ASIC2: variants seen among roughly 807,000 people sequenced by gnomAD.
ASIC2 encodes acid-sensing ion channel 2.
ASIC2 carries 25 observed loss-of-function variants against 57.3 expected under a neutral mutation model. The observed-to-expected ratio is 0.44, with a 90% CI of 0.32 to 0.61. The LOEUF (loss-of-function observed/expected upper bound fraction) is 0.61. ASIC2 is among the 20% of genes least tolerant of loss of function. The pLI is 0.06. For synonymous variants in ASIC2, 319 were observed against 307.5 expected (o/e 1.04, Z -0.39); for missense variants, 641 against 738.1 (o/e 0.87, Z 1.52).
At chr17:33,865,750 AAAAAAAAAT>A (rs1213235285) in intron 1 of ASIC2, among the ~76,000 whole-genome samples, 7 of 89,482 alleles carry the variant, frequency 7.8e-5, no homozygotes, top group African/African-American at 2.8e-4. Context: ...GAGTATAATA[AAAAAAAAAT>A]AAAAAAAAAA....
At chr17:34,049,813 A>G (rs368360818) in intron 1 of ASIC2, among the ~76,000 whole-genome samples, 8 of 152,130 alleles carry the variant, frequency 5.3e-5, no homozygotes, top group African/African-American at 1.9e-4. Context: ...CAAGCTGATA[A>G]TCTCCAGCAA....
At chr17:33,358,345 A>T (rs1349005211) in intron 1 of ASIC2, among the ~76,000 whole-genome samples, 1 of 152,186 alleles carries the variant, frequency 6.6e-6, no homozygotes, top group South Asian at 2.1e-4. Context: ...TTGCTGACCA[A>T]TGTTCTAGAT....
chr17:33,098,440 T>C (rs2092193325), intron 2 of ASIC2, among the ~76,000 whole-genome samples: 1 of 152,138 alleles, frequency 6.6e-6, no homozygotes, highest in African/African-American at 2.4e-5. Context: ...CAGGCTTGAT[T>C]GCTCACAGGT....
intron 3 of ASIC2, among the ~76,000 whole-genome samples, chr17:33,085,184 T>C (rs1239923088): frequency 1.2e-4 from 19 of 152,312 alleles, no homozygotes; most frequent in Non-Finnish European, 7.4e-5. Flanking sequence ...CCCCATGGCC[T>C]TCCTGCAAAG....
intron 1 of ASIC2, among the ~76,000 whole-genome samples, chr17:33,750,073 C>T (rs558023913): frequency 6.6e-6 from 1 of 152,180 alleles, no homozygotes; most frequent in Non-Finnish European, 1.5e-5. Context: ...CTACTCCTGT[C>T]CATTGCATAT....
At chr17:33,392,192 TTCCCTCCTTCCTTC>T (rs1909921782) in intron 1 of ASIC2, among the ~76,000 whole-genome samples, 7 of 14,142 alleles carry the variant, frequency 4.9e-4, no homozygotes, top group African/African-American at 1.5e-3. Context: ...CCTTCCTTCC[TTCCCTCCTTCCTTC>T]CTTCCTTCCT....
intron 1 of ASIC2, among the ~76,000 whole-genome samples, chr17:33,915,069 C>T (rs1042150045): frequency 2.6e-5 from 4 of 152,222 alleles, no homozygotes; most frequent in Non-Finnish European, 4.4e-5. Context: ...GTGCTCTGCC[C>T]TCACCTCGGC....
At position 34,136,480 on chromosome 17, in the gene ASIC2, CT is replaced by C. The variant is rs1312936627; in HGVS notation, c.555+19497del. Among the ~76,000 whole-genome samples, 5 of 152,348 alleles carry C rather than the reference CT, an allele frequency of 3.3e-5. No homozygotes were observed. The East Asian group carries it at 9.6e-4, about 29-fold the overall frequency. ...ACCTTGGCTTCCACAACCCTACTTA[CT>C]TAATTCAATGATTTCCTTATGCTGA... On this transcript the variant is annotated intron_variant, in intron 1 of 9. Transcript: ENST00000359872.
rs1313304576 is a variant in ASIC2 at position 34,132,206 on chromosome 17, G to C, written c.555+23772C>G. Among the ~76,000 whole-genome samples, 5 of 152,270 alleles carry C rather than the reference G, an allele frequency of 3.3e-5. No homozygotes were observed. The East Asian group carries it at 9.7e-4, about 29-fold the overall frequency. ...TGAATCTCCTAGTGTGTCCGGAGTT[G>C]GTTCCTCCCGGTAAGTTCGTGGTGT... On this transcript the variant is annotated intron_variant, in intron 1 of 9. Transcript: ENST00000359872.
chr17:33,908,097 C>T (rs919256362), intron 1 of ASIC2, among the ~76,000 whole-genome samples: 30 of 152,162 alleles, frequency 2.0e-4, no homozygotes, highest in Non-Finnish European at 4.1e-4. Flanking sequence ...TACAGTGTCC[C>T]AGTGTGCACA....
rs556037620 is a variant in ASIC2 at position 33,477,627 on chromosome 17, A to G, written c.556-365560T>C. On this transcript the variant is annotated intron_variant, in intron 1 of 9. Transcript: ENST00000359872. Reference sequence around the variant, plus strand: ...CTTCTTCTTTCACTAGATCCTTACCATGTCCCTACTGCCTCCTAGACACTG... The same window carrying G: ...CTTCTTCTTTCACTAGATCCTTACCGTGTCCCTACTGCCTCCTAGACACTG... 1.2e-4 allele frequency among the ~76,000 whole-genome samples: 19 copies of G among 152,278 alleles called. No individual in the cohort carries two copies. The East Asian group carries it at 2.9e-3, about 23-fold the overall frequency.
At chr17:33,742,448 C>T (rs148463921) in intron 1 of ASIC2, among the ~76,000 whole-genome samples, 1 of 152,256 alleles carries the variant, frequency 6.6e-6, no homozygotes, top group East Asian at 1.9e-4. Context: ...CTCTTGCTGG[C>T]CTTATAGTGT....
intron 1 of ASIC2, among the ~76,000 whole-genome samples, chr17:33,995,132 T>C (rs1317002559): frequency 6.6e-6 from 1 of 152,124 alleles, no homozygotes; most frequent in Non-Finnish European, 1.5e-5. Flanking sequence ...GGCTGTGTCA[T>C]CCCTGTAGAC....
chr17:33,741,406 A>C (rs1275352477), intron 1 of ASIC2, among the ~76,000 whole-genome samples: 1 of 152,232 alleles, frequency 6.6e-6, no homozygotes, highest in African/African-American at 2.4e-5. Context: ...TAACTGGATG[A>C]AAGAGGCAAA....
At chr17:33,989,459 C>T (rs893409753) in intron 1 of ASIC2, among the ~76,000 whole-genome samples, 2 of 151,930 alleles carry the variant, frequency 1.3e-5, no homozygotes, top group South Asian at 2.1e-4. Flanking sequence ...GAAAGGAGAT[C>T]GGGGCCAGAC....
At chr17:33,411,777 C>T (rs543105608) in intron 1 of ASIC2, among the ~76,000 whole-genome samples, 4 of 152,300 alleles carry the variant, frequency 2.6e-5, no homozygotes, top group African/African-American at 9.6e-5. Flanking sequence ...AGCGAGGTAT[C>T]TTTGGCCAGA....
chr17:33,110,192 CCTT>C (rs2092251313), intron 2 of ASIC2, among the ~76,000 whole-genome samples: 1 of 152,142 alleles, frequency 6.6e-6, no homozygotes, highest in Non-Finnish European at 1.5e-5. Context: ...CATTTTATTT[CCTT>C]ATTTCTCTCT....
At chr17:33,922,977 C>T (rs771704240) in intron 1 of ASIC2, among the ~76,000 whole-genome samples, 17 of 152,158 alleles carry the variant, frequency 1.1e-4, no homozygotes, top group Non-Finnish European at 2.2e-4. Context: ...CTCCAAGCAC[C>T]AGTGCAGATG....
intron 1 of ASIC2, among the ~76,000 whole-genome samples, chr17:33,416,656 A>G (rs1045037823): frequency 1.3e-5 from 2 of 152,160 alleles, no homozygotes; most frequent in African/African-American, 2.4e-5. Flanking sequence ...ATGGCTTTTT[A>G]ATAGCTGGGG....
Sources: gnomAD v4.1 joint callset for allele counts (sites outside exome capture counted in the v4.1 genomes callset) on GRCh38, gnomAD v4.1.1 for gene constraint, MANE v1.5 for transcripts, NCBI Gene and HGNC (gene_info 2026-07-23, HGNC 2026-07-21) for gene names.